The following CHST9 variants were observed in gnomAD, a reference collection of about 807,000 sequenced individuals.
CHST9 encodes carbohydrate sulfotransferase 9, also known as GalNAc-4-sulfotransferase 2.
A neutral mutation model predicts 44.4 loss-of-function variants in CHST9; 41 were observed. The ratio of observed to expected loss-of-function variants is 0.92; its 90% CI spans 0.72 to 1.20. The LOEUF (loss-of-function observed/expected upper bound fraction) is 1.20, where lower values mean the gene tolerates loss of function less well. CHST9 is among the 50% of genes most tolerant of loss of function. CHST9 has a pLI of 0.00. For missense variants in CHST9, 504 were observed against 516.5 expected, an observed-to-expected ratio of 0.98 and a Z score of 0.23; for synonymous variants, 171 against 178.4, an observed-to-expected ratio of 0.96 and a Z score of 0.33.
intron 4 of CHST9, among the ~76,000 whole-genome samples, chr18:26,953,322 A>G (rs2056276641): frequency 6.6e-6 from 1 of 152,208 alleles, no homozygotes. Context: ...TACCCTAACT[A>G]GGGGAGAGGG....
At chr18:26,976,568 A>T (rs1266108384) in intron 4 of CHST9, among the ~76,000 whole-genome samples, 1 of 152,110 alleles carries the variant, frequency 6.6e-6, no homozygotes, top group East Asian at 1.9e-4. Context: ...AGTGAGGGAG[A>T]CATTCCCTTC....
intron 4 of CHST9, among the ~76,000 whole-genome samples, chr18:26,969,521 A>C (rs1363672422): frequency 6.6e-6 from 1 of 152,146 alleles, no homozygotes; most frequent in Non-Finnish European, 1.5e-5. Context: ...TCCACAAAAT[A>C]GTTCTTGAAA....
chr18:27,076,865 G>A (rs903460088), intron 2 of CHST9, among the ~76,000 whole-genome samples: 6 of 152,164 alleles, frequency 3.9e-5, no homozygotes, highest in Admixed American at 3.9e-4. Flanking sequence ...TGTCCAATGA[G>A]GGGAAAGGAG....
intron 1 of CHST9, among the ~76,000 whole-genome samples, chr18:27,159,716 C>T (rs1208520869): frequency 2.6e-5 from 4 of 152,130 alleles, no homozygotes; most frequent in East Asian, 1.9e-4. Context: ...GCCTTCTTCA[C>T]GATATTGAGT....
At chr18:26,931,504 G>A (rs1391624106) in intron 5 of CHST9, among the ~76,000 whole-genome samples, 3 of 152,192 alleles carry the variant, frequency 2.0e-5, no homozygotes, top group Non-Finnish European at 4.4e-5. Context: ...TGCCCTTCTG[G>A]ATTAATTCAC....
intron 2 of CHST9, among the ~76,000 whole-genome samples, chr18:27,113,793 C>T (rs2058296165): frequency 6.6e-6 from 1 of 152,090 alleles, no homozygotes; most frequent in Non-Finnish European, 1.5e-5. Context: ...TGTAGAAGTC[C>T]AAATGGACTA....
At chr18:26,974,218 T>C (rs2056589154) in intron 4 of CHST9, among the ~76,000 whole-genome samples, 1 of 152,210 alleles carries the variant, frequency 6.6e-6, no homozygotes, top group African/African-American at 2.4e-5. Flanking sequence ...AAGGGACTAA[T>C]AAGATGAAAA....
intron 2 of CHST9, among the ~76,000 whole-genome samples, chr18:27,081,885 G>A (rs2057964521): frequency 6.6e-6 from 1 of 152,102 alleles, no homozygotes; most frequent in Non-Finnish European, 1.5e-5. Context: ...CCTGCTACAT[G>A]ATACTCCTTA....
intron 1 of CHST9, among the ~76,000 whole-genome samples, chr18:27,170,411 A>G (rs1324515049): frequency 6.6e-6 from 1 of 152,194 alleles, no homozygotes; most frequent in East Asian, 1.9e-4. Context: ...TGAATGTGAA[A>G]CAGGCCTTTA....
In CHST9 at chr18:27,149,599, CT is replaced by C. The variant is rs60489244; in HGVS notation, c.-96-6695del. On this transcript the variant is annotated intron_variant, in intron 1 of 5. Transcript: ENST00000618847. ...AGTTGTCTGTACAAACTATTTTCAG[CT>C]TTTTTTTTTTTTTCTTTTTACATTG... Among the ~76,000 whole-genome samples, 1,269 of 142,924 alleles carry C rather than the reference CT, an allele frequency of 8.9e-3. 17 individuals are homozygous for C. The highest frequency in any genetic ancestry group is 0.029 in the African/African-American group (1,147 of 38,948). The allele number at this position is 142,924 out of a possible 152,430, so 93.8% of individuals were successfully genotyped here. A position where few individuals can be genotyped will look rare whatever the true frequency, so the allele number is the denominator to read the frequency against.
intron 2 of CHST9, among the ~76,000 whole-genome samples, chr18:27,084,458 G>GTTT (rs34987256): frequency 1.4e-5 from 2 of 143,542 alleles, no homozygotes; most frequent in Non-Finnish European, 3.0e-5. Flanking sequence ...CACTCGCTGG[G>GTTT]TTTTTTTTTT....
intron 2 of CHST9, among the ~76,000 whole-genome samples, chr18:27,141,695 A>G (rs2058568671): frequency 6.6e-6 from 1 of 150,680 alleles, no homozygotes; most frequent in African/African-American, 2.4e-5. Flanking sequence ...TCAGTATTAA[A>G]TTGTCTTTTG....
At chr18:27,163,626 T>C (rs1204171721) in intron 1 of CHST9, among the ~76,000 whole-genome samples, 1 of 152,184 alleles carries the variant, frequency 6.6e-6, no homozygotes, top group African/African-American at 2.4e-5. Flanking sequence ...GTGCAGGATA[T>C]AATCTCCTGC....
intron 5 of CHST9, among the ~76,000 whole-genome samples, chr18:26,928,659 C>T (rs1228120443): frequency 6.6e-6 from 1 of 152,178 alleles, no homozygotes; most frequent in African/African-American, 2.4e-5. Context: ...CAAGTTAGCA[C>T]AGTGGGAATA....
At chr18:27,059,710 T>C (rs986882040) in intron 2 of CHST9, among the ~76,000 whole-genome samples, 2 of 152,196 alleles carry the variant, frequency 1.3e-5, no homozygotes, top group African/African-American at 4.8e-5. Context: ...TGGAGAAAAC[T>C]GGTGGAGGCC....
chr18:27,130,902 T>C (rs1598745005), intron 2 of CHST9, among the ~76,000 whole-genome samples: 1 of 152,238 alleles, frequency 6.6e-6, no homozygotes, highest in East Asian at 1.9e-4. Flanking sequence ...GAAAATGGAA[T>C]ACATGCATGT....
intron 2 of CHST9, among the ~76,000 whole-genome samples, chr18:27,134,927 T>A (rs954401723): frequency 3.3e-5 from 5 of 152,098 alleles, no homozygotes; most frequent in African/African-American, 9.7e-5. Context: ...AAACAAAAAA[T>A]TTCAGTTAGA....
At chr18:27,116,622 T>C (rs1167200546) in intron 2 of CHST9, among the ~76,000 whole-genome samples, 1 of 152,104 alleles carries the variant, frequency 6.6e-6, no homozygotes, top group Non-Finnish European at 1.5e-5. Context: ...CTTATCAATT[T>C]TGGCAAAAAA....
intron 1 of CHST9, 134 bp from the exon 2 acceptor site, chr18:27,143,039 G>A (rs2058581194): frequency 6.2e-6 from 2 of 323,438 alleles, no homozygotes; most frequent in African/African-American, 2.1e-5. Flanking sequence ...AGAAAAGACT[G>A]TAGTAGGTGT....
Sources: allele counts gnomAD v4.1 joint callset (sites outside exome capture counted in the v4.1 genomes callset), GRCh38; gene constraint gnomAD v4.1.1; transcripts MANE v1.5; gene names NCBI Gene and HGNC (gene_info 2026-07-23, HGNC 2026-07-21).